Variants in GTF3C1 observed in about 807,000 individuals in gnomAD.
GTF3C1 encodes the protein general transcription factor 3C polypeptide 1.
Under a neutral mutation model 226.7 loss-of-function variants are expected in GTF3C1, and 57 were observed. The observed-to-expected ratio is 0.25, with a 90% CI of 0.20 to 0.31. The LOEUF (loss-of-function observed/expected upper bound fraction) is 0.31, where lower values mean the gene tolerates loss of function less well. Among genes scored for constraint, GTF3C1 ranks in the 10% least tolerant of loss-of-function variants. GTF3C1 has a pLI of 1.00. For synonymous variants in GTF3C1, 1,090 were observed against 1,084.8 expected (o/e 1.00, Z -0.09); for missense variants, 2,217 against 2,776.1 (o/e 0.80, Z 4.53).
intron 6 of GTF3C1, among the ~76,000 whole-genome samples, chr16:27,527,242 C>T (rs891080109): frequency 2.0e-5 from 3 of 152,172 alleles, no homozygotes; most frequent in Admixed American, 1.3e-4. Flanking sequence ...AATGCAATGG[C>T]GTGATCTCAG....
intron 34 of GTF3C1, chr16:27,464,005 G>A (rs1317267240): frequency 9.4e-6 from 4 of 425,398 alleles, no homozygotes; most frequent in Non-Finnish European, 1.6e-5. Flanking sequence ...GCTGCCACCC[G>A]AGGAAGTTGA....
intron 27 of GTF3C1, 63 bp from the exon 28 acceptor site, chr16:27,478,594 G>T: frequency 1.7e-6 from 2 of 1,145,012 alleles, no homozygotes; most frequent in Non-Finnish European, 2.7e-6. Context: ...GCAAGCGGAT[G>T]CTGGCTCAAG....
Position 27,528,737 on chromosome 16 carries a change from T to A in GTF3C1, c.850-16A>T. 1 of 1,612,092 alleles carries A rather than the reference T, an allele frequency of 6.2e-7. No homozygotes were observed. Among genetic ancestry groups the A allele is most frequent in the Non-Finnish European group, 8.5e-7 (1 of 1,178,250 alleles). ...CGCACAGCCCCTGCCAAAACACAATTTAAAGGCTACTATTAGACACAGCAA... is the reference window on the plus strand; with the variant it reads ...CGCACAGCCCCTGCCAAAACACAATATAAAGGCTACTATTAGACACAGCAA... On this transcript the variant is annotated splice_polypyrimidine_tract_variant and intron_variant, in intron 5 of 36. Coordinates refer to ENST00000356183, the MANE Select transcript of GTF3C1 (RefSeq NM_001520.4).
intron 7 of GTF3C1, among the ~76,000 whole-genome samples, chr16:27,510,560 G>GA (rs2088557780): frequency 6.6e-6 from 1 of 152,034 alleles, no homozygotes; most frequent in East Asian, 1.9e-4. Context: ...TCTCAAAAAA[G>GA]AAAAAAGAAA....
chr16:27,488,841 C>G (rs771360700), intron 21 of GTF3C1, among the ~76,000 whole-genome samples: 3 of 152,214 alleles, frequency 2.0e-5, no homozygotes, highest in Non-Finnish European at 4.4e-5. Context: ...TCTGATCCTT[C>G]TTTAAAAAGG....
At chr16:27,482,188 T>C (rs1357122168) in intron 26 of GTF3C1, among the ~76,000 whole-genome samples, 3 of 152,130 alleles carry the variant, frequency 2.0e-5, no homozygotes, top group Non-Finnish European at 2.9e-5. Context: ...TGAGCTCTCA[T>C]TGTCAACATT....
intron 32 of GTF3C1, 96 bp from the exon 33 acceptor site, chr16:27,465,636 A>G (rs2087776279): frequency 3.1e-6 from 3 of 962,184 alleles, no homozygotes; most frequent in Admixed American, 2.4e-5. Context: ...ATGCTCCAGC[A>G]CCAACTCACT....
chr16:27,512,690 G>A (rs1201410374), intron 6 of GTF3C1, among the ~76,000 whole-genome samples: 1 of 152,206 alleles, frequency 6.6e-6, no homozygotes, highest in African/African-American at 2.4e-5. Flanking sequence ...TAACAAACTT[G>A]TGCCTACGGC....
intron 12 of GTF3C1, 133 bp downstream of exon 12, chr16:27,501,058 A>C: frequency 1.4e-6 from 1 of 718,460 alleles, no homozygotes. Flanking sequence ...TCCCCAAATC[A>C]GGAGGCATAA....
chr16:27,489,764 G>A (rs1035914407), intron 19 of GTF3C1, 21 bp from the exon 20 acceptor site: 3 of 1,605,720 alleles, frequency 1.9e-6, no homozygotes, highest in African/African-American at 2.7e-5. Flanking sequence ...AAACATCAGG[G>A]TGACCAATCA....
At position 27,470,213 on chromosome 16, in the gene GTF3C1, G is replaced by A. The variant is rs1295855536; in HGVS notation, c.4709C>T (p.Ala1570Val). ...GCCCAGAGAGAAGAGGGTCAGGACG[G>A]CCACACAATTTCCTCCAGGGCCGTC... Reference protein sequence around the residue: ...SLDGPGGNCVAVLTLFSLGLI... With the variant: ...SLDGPGGNCVVVLTLFSLGLI... The change falls in exon 31 of 37, where the codon GCC becomes GTC. Residue 1570 changes from alanine to valine, a missense_variant. Transcript: ENST00000356183. The surrounding 1 kb of genome is among the most constrained non-coding windows in gnomAD (Gnocchi z 4.9). The A allele has an allele frequency of 2.5e-6, 4 of 1,613,246 alleles. No homozygotes were observed.
chr16:27,465,944 T>A (rs1422873197), intron 32 of GTF3C1: 1 of 215,714 alleles, frequency 4.6e-6, no homozygotes, highest in East Asian at 1.0e-4. Context: ...TTAGACCCTG[T>A]GAGATACTCC....
At position 27,492,014 on chromosome 16, in the gene GTF3C1, C is replaced by T. The variant is rs143164992; in HGVS notation, c.3151+324G>A. Reference sequence around the variant, plus strand: ...GATTTTGAGTCTCACGAAGGCAGGGCGGGCTGTGTTCTCATTGTGGCACTG... The same window carrying T: ...GATTTTGAGTCTCACGAAGGCAGGGTGGGCTGTGTTCTCATTGTGGCACTG... On this transcript the variant is annotated intron_variant, in intron 19 of 36. Coordinates refer to ENST00000356183, the MANE Select transcript of GTF3C1 (RefSeq NM_001520.4). The surrounding 1 kb of genome is among the most constrained non-coding windows in gnomAD (Gnocchi z 5.0). 0.017 allele frequency among the ~76,000 whole-genome samples: 2,542 copies of T among 152,328 alleles called. 27 individuals are homozygous for T. The highest frequency in any genetic ancestry group is 0.027 in the Non-Finnish European group (1,840 of 68,024).
intron 6 of GTF3C1, among the ~76,000 whole-genome samples, chr16:27,527,804 C>T (rs2088855258): frequency 6.6e-6 from 1 of 151,892 alleles, no homozygotes; most frequent in African/African-American, 2.4e-5. Flanking sequence ...GAGTTTGAGA[C>T]CAGACTGGGC....
At chr16:27,517,183 C>T (rs1384734497) in intron 6 of GTF3C1, among the ~76,000 whole-genome samples, 3 of 152,170 alleles carry the variant, frequency 2.0e-5, no homozygotes, top group Non-Finnish European at 4.4e-5. Flanking sequence ...TAGTGTGTGC[C>T]TTGTGATTCC....
rs2087697606 is a variant in GTF3C1 at position 27,461,200 on chromosome 16, G to A, written c.*150C>T. The stretch of plus-strand genomic sequence containing the variant: ...CCAGAGTTCCAGTACAGTGGGAAAC[G>A]TGTCAGTCTGTGACTCTGGCCAAAG... On this transcript the variant is annotated 3_prime_UTR_variant, in exon 37 of 37. Transcript: ENST00000356183. The surrounding 1 kb of genome is among the most constrained non-coding windows in gnomAD (Gnocchi z 5.3). 3 of 597,830 alleles carry A rather than the reference G, an allele frequency of 5.0e-6. No homozygotes were observed. The highest frequency in any genetic ancestry group is 2.1e-5 in the South Asian group (1 of 48,710). The allele number at this position is 597,830 out of a possible 1,614,324, so 37.0% of individuals were successfully genotyped here.
In GTF3C1 at chr16:27,488,274, T is replaced by C; in HGVS notation, c.3653A>G (p.Lys1218Arg). ...CTTCCCAGGGTCCTTCTTCAGCCGC[T>C]TCCGCTTCTGGCTTTTCCCACCCCT... ...RVRGGKSQKRKRLKKDPGKKI... is the reference protein window; with the variant it reads ...RVRGGKSQKRRRLKKDPGKKI... Residue 1218 changes from lysine (K) to arginine (R), a missense_variant, in exon 23 of 37, where the codon AAG becomes AGG. Transcript: ENST00000356183. The C allele has an allele frequency of 6.2e-7, 1 of 1,614,246 alleles. No individual in the cohort carries two copies. Among genetic ancestry groups the C allele is most frequent in the Non-Finnish European group, 8.5e-7 (1 of 1,180,046 alleles).
chr16:27,468,420 TG>T (rs1312785948), intron 32 of GTF3C1, among the ~76,000 whole-genome samples: 2 of 152,148 alleles, frequency 1.3e-5, no homozygotes, highest in African/African-American at 4.8e-5. Context: ...GAGACCAGCC[TG>T]GGCAACAGAG....
intron 6 of GTF3C1, among the ~76,000 whole-genome samples, chr16:27,519,950 A>C (rs117163953): frequency 6.6e-6 from 1 of 152,156 alleles, no homozygotes; most frequent in African/African-American, 2.4e-5. Flanking sequence ...TACAAAAAAA[A>C]CAATTTTTTA....
Sources: gnomAD v4.1 joint callset for allele counts (sites outside exome capture counted in the v4.1 genomes callset) on GRCh38, gnomAD v4.1.1 for gene constraint, Gnocchi (gnomAD v3.1) non-coding constraint, MANE v1.5 for transcripts, NCBI Gene and HGNC (gene_info 2026-07-23, HGNC 2026-07-21) for gene names.